The following SHF variants were observed in gnomAD, a reference collection of about 807,000 sequenced individuals.
The protein encoded by SHF is Src homology 2 domain containing F.
In SHF, 30 loss-of-function variants were observed where a neutral mutation model predicts 42.4. That is an observed-to-expected ratio of 0.71 (90% CI 0.53 to 0.96). SHF has a LOEUF of 0.96. Among genes scored for constraint, SHF ranks in the 40% least tolerant of loss-of-function variants. The pLI is 0.00. For missense variants in SHF, 598 were observed against 634.0 expected, an observed-to-expected ratio of 0.94 and a Z score of 0.61; for synonymous variants, 264 against 269.9, an observed-to-expected ratio of 0.98 and a Z score of 0.21.
At chr15:45,191,603 C>T (rs909162176), upstream of SHF, among the ~76,000 whole-genome samples, 6 of 152,160 alleles carry the variant, frequency 3.9e-5, no homozygotes, top group East Asian at 7.7e-4. Context: ...GTTTAACAAA[C>T]GTTGAAATGG....
In SHF at chr15:45,187,732, G is replaced by T; in HGVS notation, c.220C>A (p.Pro74Thr). 1.0e-6 allele frequency: 1 copy of T among 993,130 alleles called. No individual in the cohort carries two copies. The highest frequency in any genetic ancestry group is 1.3e-6 in the Non-Finnish European group (1 of 774,464). 61.5% of individuals were successfully genotyped at this position (993,130 alleles called of 1,614,324 possible). The change falls in exon 1 of 7, where the codon CCC becomes ACC. Residue 74 changes from proline to threonine, a missense_variant. By Grantham distance (38) the Pro-to-Thr change is conservative. This residue lies in a region of SHF where 159 missense variants were observed against 109.3 expected (regional missense o/e 1.45). Transcript: ENST00000690270. ...GGGSKPAPPE[P>T]DYRPPAPSPA... is the part of the protein sequence containing the mutation. ...GAGGGCGCAGGGGGGCGGTAGTCGGGCTCGGGGGGCGCCGGCTTGCTGCCC... is the reference window on the plus strand; with the variant it reads ...GAGGGCGCAGGGGGGCGGTAGTCGGTCTCGGGGGGCGCCGGCTTGCTGCCC...
At chr15:45,183,112 T>C (rs1159650715) in intron 1 of SHF, among the ~76,000 whole-genome samples, 2 of 152,210 alleles carry the variant, frequency 1.3e-5, no homozygotes, top group African/African-American at 4.8e-5. Context: ...GTCTGCTTCC[T>C]CTTGTTCATT....
intron 2 of SHF, among the ~76,000 whole-genome samples, chr15:45,195,737 A>G (rs193241563): frequency 6.6e-6 from 1 of 151,996 alleles, no homozygotes; most frequent in Admixed American, 6.6e-5. Flanking sequence ...CACTTTTCTC[A>G]CTGGGTACTG....
upstream of SHF, among the ~76,000 whole-genome samples, chr15:45,188,668 G>A (rs1358278793): frequency 6.6e-6 from 1 of 152,162 alleles, no homozygotes; most frequent in Non-Finnish European, 1.5e-5. Context: ...CCCCACCCAC[G>A]GGAGCACCTG....
chr15:45,193,741 A>C (rs1054892330), intron 2 of SHF, among the ~76,000 whole-genome samples: 2 of 152,170 alleles, frequency 1.3e-5, no homozygotes, highest in Non-Finnish European at 2.9e-5. Flanking sequence ...CTATAATCCC[A>C]GCACTTTGGG....
Position 45,198,717 on chromosome 15 carries a change from C to G in SHF, c.303+55G>C, listed in dbSNP as rs956369112. The G allele has an allele frequency of 6.4e-6, 10 of 1,555,432 alleles. No individual in the cohort carries two copies. The African/African-American group carries it at 8.2e-5, about 13-fold the overall frequency. On this transcript the variant is annotated intron_variant, in intron 2 of 7. Transcript: ENST00000290894. ...CCGTAGGGGTTGGCTTCTGATTATC[C>G]TCTTCAACAGTCATAGGCCTTCCCA...
intron 2 of SHF, among the ~76,000 whole-genome samples, chr15:45,196,097 G>GTTTTTTTTT (rs58593409): frequency 7.7e-6 from 1 of 129,308 alleles, no homozygotes. Flanking sequence ...CTGACTTCCT[G>GTTTTTTTTT]TTTTTTTTTT....
chr15:45,186,899 C>T (rs1347008277), intron 1 of SHF, among the ~76,000 whole-genome samples: 2 of 152,254 alleles, frequency 1.3e-5, no homozygotes, highest in Non-Finnish European at 2.9e-5. Context: ...GTGCTGTGTC[C>T]GCAAGGAGAA....
At chr15:45,177,608 T>C (rs987114362) in intron 2 of SHF, among the ~76,000 whole-genome samples, 1 of 152,124 alleles carries the variant, frequency 6.6e-6, no homozygotes, top group Non-Finnish European at 1.5e-5. Flanking sequence ...CTGAACAAAC[T>C]TCCTCTCACC....
chr15:45,198,876 G>A (rs1348185254), exon 2 of SHF: 3 of 1,614,026 alleles, frequency 1.9e-6, no homozygotes, highest in South Asian at 2.2e-5. Flanking sequence ...ACGGGCTGTG[G>A]TGATGATGAG....
intron 2 of SHF, chr15:45,198,510 T>A: frequency 2.4e-6 from 1 of 422,674 alleles, no homozygotes; most frequent in Non-Finnish European, 4.2e-6. Context: ...AGAGAAACGT[T>A]GGTTCGTTTC....
At chr15:45,197,249 TAAAAAAA>T (rs144408027) in intron 2 of SHF, among the ~76,000 whole-genome samples, 8 of 122,648 alleles carry the variant, frequency 6.5e-5, no homozygotes, top group Non-Finnish European at 8.4e-5. Flanking sequence ...ACCTTGTCTC[TAAAAAAA>T]AAAAAAAAAA....
upstream of SHF, chr15:45,188,018 G>A: frequency 3.1e-6 from 1 of 326,350 alleles, no homozygotes; most frequent in Non-Finnish European, 5.2e-6. Context: ...GGTGGGGAGG[G>A]GGGCGGGGCT....
chr15:45,198,040 G>A (rs547949158), intron 2 of SHF, among the ~76,000 whole-genome samples: 19 of 152,090 alleles, frequency 1.2e-4, no homozygotes, highest in African/African-American at 4.6e-4. Context: ...TTTTGTGCAT[G>A]TATTCCCTAT....
intron 1 of SHF, among the ~76,000 whole-genome samples, chr15:45,179,084 G>A (rs971779921): frequency 6.6e-6 from 1 of 152,242 alleles, no homozygotes; most frequent in African/African-American, 2.4e-5. Flanking sequence ...CTACAAGGGC[G>A]CTTCCAGATG....
chr15:45,174,842 T>C (rs753620911), intron 3 of SHF, among the ~76,000 whole-genome samples: 2 of 152,182 alleles, frequency 1.3e-5, no homozygotes, highest in Non-Finnish European at 2.9e-5. Context: ...CTGTCTTTAT[T>C]GTTTGAAGTA....
intron 1 of SHF, among the ~76,000 whole-genome samples, chr15:45,185,627 A>G (rs186869904): frequency 5.3e-4 from 81 of 152,304 alleles, no homozygotes; most frequent in African/African-American, 1.9e-3. Context: ...GTAGCTGACA[A>G]AGGAGTCAGA....
chr15:45,199,657 G>A (rs1265224684), intron 1 of SHF, among the ~76,000 whole-genome samples: 1 of 152,104 alleles, frequency 6.6e-6, no homozygotes, highest in Non-Finnish European at 1.5e-5. Flanking sequence ...AACTCAACAC[G>A]TCCTCGAGAA....
At position 45,175,372 on chromosome 15, in the gene SHF, G is replaced by T; in HGVS notation, c.694C>A (p.Pro232Thr). ...ATQPLPLYDT[P>T]YEPEEDGATA... Reference sequence around the variant, plus strand: ...GCCCCATCCTCCTCTGGCTCATAGGGTGTGTCATACAGAGGCAAGGGCTGA... The same window carrying T: ...GCCCCATCCTCCTCTGGCTCATAGGTTGTGTCATACAGAGGCAAGGGCTGA... The change falls in exon 3 of 7, where the codon CCC (proline) becomes ACC (threonine). Residue 232 changes from proline to threonine, a missense_variant. Transcript: ENST00000690270. 16 of 1,597,642 alleles carry T rather than the reference G, an allele frequency of 1.0e-5. No homozygotes were observed. Among genetic ancestry groups the T allele is most frequent in the Non-Finnish European group, 1.4e-5 (16 of 1,172,056 alleles).
Sources: gnomAD v4.1 joint callset for allele counts (sites outside exome capture counted in the v4.1 genomes callset) on GRCh38, gnomAD v4.1.1 for gene constraint, gnomAD v4.1.1 regional missense constraint, MANE v1.5 for transcripts, NCBI Gene and HGNC (gene_info 2026-07-23, HGNC 2026-07-21) for gene names.